The following MAST4 variants were observed in gnomAD, a reference collection of about 807,000 sequenced individuals.
MAST4 encodes microtubule associated serine/threonine kinase family member 4.
In MAST4, 89 loss-of-function variants were observed where a neutral mutation model predicts 162.7. The ratio of observed to expected loss-of-function variants is 0.55; its 90% CI spans 0.46 to 0.65. The LOEUF (loss-of-function observed/expected upper bound fraction) is 0.65. Ranked by LOEUF, MAST4 falls within the 30% of genes least tolerant of loss-of-function variation. The probability of loss-of-function intolerance (pLI) is 0.00; values close to 1 mark genes in which losing one functional copy is unlikely to be tolerated. For synonymous variants in MAST4, 1,479 were observed against 1,361.1 expected (o/e 1.09, Z -1.91); for missense variants, 3,153 against 3,374.0 (o/e 0.93, Z 1.62).
chr5:66,857,010 A>G (rs1041363518), intron 3 of MAST4, among the ~76,000 whole-genome samples: 1 of 152,262 alleles, frequency 6.6e-6, no homozygotes, highest in Non-Finnish European at 1.5e-5. Context: ...TATTATAAAA[A>G]GAAGAAAACT....
Position 66,949,270 on chromosome 5 carries a change from G to T in MAST4, c.674+49288G>T, listed in dbSNP as rs552728559. On this transcript the variant is annotated intron_variant, in intron 4 of 28. Transcript: ENST00000403625. Reference sequence around the variant, plus strand: ...TGATGTTGGGCAATGATATGGTTTTGTCCTGTGTCCCCACCCAGATCTCGC... The same window carrying T: ...TGATGTTGGGCAATGATATGGTTTTTTCCTGTGTCCCCACCCAGATCTCGC... Among the ~76,000 whole-genome samples the T allele has an allele frequency of 7.2e-5, 11 of 152,228 alleles. No individual in the cohort carries two copies. In the South Asian group the frequency reaches 1.9e-3, roughly 26 times the overall value.
At chr5:66,977,088 G>C (rs1446185363) in intron 4 of MAST4, among the ~76,000 whole-genome samples, 1 of 152,008 alleles carries the variant, frequency 6.6e-6, no homozygotes, top group Non-Finnish European at 1.5e-5. Flanking sequence ...ATGAATATGG[G>C]GATCCTTTCT....
chr5:66,861,768 A>G (rs1168521554), intron 3 of MAST4, among the ~76,000 whole-genome samples: 1 of 152,194 alleles, frequency 6.6e-6, no homozygotes, highest in South Asian at 2.1e-4. Flanking sequence ...GGCTTTTATT[A>G]ATAAGAGGGA....
chr5:67,092,917 A>T (rs964566612), intron 6 of MAST4, among the ~76,000 whole-genome samples: 7 of 152,182 alleles, frequency 4.6e-5, no homozygotes, highest in Non-Finnish European at 8.8e-5. Context: ...GAGTCTGATC[A>T]TTGTAACCTC....
chr5:66,946,084 C>T (rs1469501594), intron 4 of MAST4, among the ~76,000 whole-genome samples: 1 of 152,056 alleles, frequency 6.6e-6, no homozygotes, highest in Non-Finnish European at 1.5e-5. Context: ...GAGGGAGAAA[C>T]ATGAACAATT....
At chr5:67,115,824 G>T (rs953335524) in intron 12 of MAST4, among the ~76,000 whole-genome samples, 2 of 151,818 alleles carry the variant, frequency 1.3e-5, no homozygotes, top group Non-Finnish European at 2.9e-5. Flanking sequence ...GTATTTTTCA[G>T]ATAATAGTTG....
chr5:67,106,546 T>C (rs953872315), intron 10 of MAST4, among the ~76,000 whole-genome samples: 2 of 152,226 alleles, frequency 1.3e-5, no homozygotes, highest in African/African-American at 2.4e-5. Flanking sequence ...TTTCCTGTTC[T>C]ATAATCACTA....
chr5:66,847,820 CAAAAAAAAAA>C (rs777825639), intron 3 of MAST4, among the ~76,000 whole-genome samples: 2 of 54,146 alleles, frequency 3.7e-5, no homozygotes, highest in South Asian at 1.4e-3. Flanking sequence ...GACTCCTTCT[CAAAAAAAAAA>C]AAAAAAAAAA....
At chr5:66,826,264 G>T (rs1226400205) in intron 3 of MAST4, among the ~76,000 whole-genome samples, 2 of 151,422 alleles carry the variant, frequency 1.3e-5, no homozygotes, top group African/African-American at 2.4e-5. Context: ...ATGGTATGAT[G>T]GTCATAATCC....
intron 13 of MAST4, among the ~76,000 whole-genome samples, chr5:67,120,015 T>C (rs1034176693): frequency 2.4e-4 from 36 of 152,180 alleles, no homozygotes; most frequent in Non-Finnish European, 1.8e-4. Flanking sequence ...AACAAGTAAG[T>C]GGTCCCAGTC....
At chr5:66,607,624 G>A (rs1742976725) in intron 1 of MAST4, among the ~76,000 whole-genome samples, 1 of 152,178 alleles carries the variant, frequency 6.6e-6, no homozygotes, top group South Asian at 2.1e-4. Flanking sequence ...GAGTGGAAAT[G>A]GATTGCAGGA....
intron 4 of MAST4, among the ~76,000 whole-genome samples, chr5:67,018,167 T>C (rs1318104102): frequency 6.6e-6 from 1 of 152,312 alleles, no homozygotes; most frequent in East Asian, 1.9e-4. Flanking sequence ...TCAAGTGAAG[T>C]ACCAGAAAAA....
intron 3 of MAST4, among the ~76,000 whole-genome samples, chr5:66,805,654 G>A (rs1002563546): frequency 1.3e-5 from 2 of 152,162 alleles, no homozygotes; most frequent in African/African-American, 4.8e-5. Flanking sequence ...GCACTGCAGT[G>A]TTGAAAGGCC....
chr5:67,161,674 G>A (rs1008620163), intron 27 of MAST4, among the ~76,000 whole-genome samples: 3 of 152,214 alleles, frequency 2.0e-5, no homozygotes, highest in Non-Finnish European at 2.9e-5. Flanking sequence ...AAAAATTCGA[G>A]TAGAGGAGTT....
chr5:67,005,917 C>G (rs1266436643), intron 4 of MAST4, among the ~76,000 whole-genome samples: 1 of 152,220 alleles, frequency 6.6e-6, no homozygotes, highest in Non-Finnish European at 1.5e-5. Flanking sequence ...TGTGAACATG[C>G]ATGAGAGCAA....
chr5:66,720,934 C>G lies in MAST4; in HGVS notation c.364-38775C>G, dbSNP rs1274224175. On this transcript the variant is annotated intron_variant, in intron 1 of 28. Transcript: ENST00000403625. Reference sequence around the variant, plus strand: ...AAACAGAAGAGAGCGTCCAGAGACTCCCCCATCCCATTTCAGCATCGCCAC... The same window carrying G: ...AAACAGAAGAGAGCGTCCAGAGACTGCCCCATCCCATTTCAGCATCGCCAC... 3.9e-5 allele frequency among the ~76,000 whole-genome samples: 6 copies of G among 152,180 alleles called. No individual in the cohort carries two copies. In the East Asian group the frequency reaches 1.2e-3, roughly 29 times the overall value.
chr5:66,750,589 G>A (rs947575666), intron 1 of MAST4, among the ~76,000 whole-genome samples: 2 of 152,214 alleles, frequency 1.3e-5, no homozygotes, highest in African/African-American at 4.8e-5. Flanking sequence ...TTTTCCGACC[G>A]GCTTAAAAAA....
chr5:66,662,277 T>C (rs1746965383), intron 1 of MAST4: 1 of 152,204 alleles, frequency 6.6e-6, no homozygotes, highest in Admixed American at 6.5e-5. Flanking sequence ...TCCATTTTGC[T>C]TTCCTATCTT....
chr5:66,761,742 T>C (rs992276344), intron 2 of MAST4, among the ~76,000 whole-genome samples: 4 of 152,210 alleles, frequency 2.6e-5, no homozygotes, highest in African/African-American at 9.6e-5. Context: ...AAAAAACTGC[T>C]GCAGTTTAAG....
Sources: allele counts gnomAD v4.1 joint callset (sites outside exome capture counted in the v4.1 genomes callset), GRCh38; gene constraint gnomAD v4.1.1; transcripts MANE v1.5; gene names NCBI Gene and HGNC (gene_info 2026-07-23, HGNC 2026-07-21).